PTPRA: variants seen among roughly 807,000 people sequenced by gnomAD.
The protein encoded by PTPRA is protein tyrosine phosphatase receptor type A, also known as receptor-type tyrosine-protein phosphatase alpha.
In PTPRA, 25 loss-of-function variants were observed where a neutral mutation model predicts 104.8. That is an observed-to-expected ratio of 0.24 (90% CI 0.17 to 0.33). The LOEUF is 0.33. PTPRA is among the 10% of genes least tolerant of loss of function. The pLI, the probability that PTPRA is intolerant of heterozygous loss-of-function variation, is 1.00. For synonymous variants in PTPRA, 323 were observed against 368.9 expected (o/e 0.88, Z 1.43); for missense variants, 765 against 1,015.3 (o/e 0.75, Z 3.35).
the PTPRA span, chr20:2,865,568 C>T: frequency 7.2e-7 from 1 of 1,395,178 alleles, no homozygotes; most frequent in Non-Finnish European, 9.9e-7. This position sits in a 1 kb window ranked among gnomAD's most constrained non-coding sequence, Gnocchi z 5.2. Flanking sequence ...GGCAGGGAGA[C>T]AGATAGGATG....
At chr20:2,994,920 A>G (rs922209460) in intron 9 of PTPRA, among the ~76,000 whole-genome samples, 3 of 152,182 alleles carry the variant, frequency 2.0e-5, no homozygotes, top group Non-Finnish European at 4.4e-5. Flanking sequence ...ACTTGAGGTC[A>G]GGAGTTTGAG....
At chr20:3,013,073 G>A (rs1041584639) in intron 11 of PTPRA, among the ~76,000 whole-genome samples, 13 of 152,100 alleles carry the variant, frequency 8.5e-5, no homozygotes, top group African/African-American at 2.4e-5. Flanking sequence ...CACTCTAGCT[G>A]TTGCCCCCTT....
At chr20:3,027,097 C>G in intron 18 of PTPRA, 24 bp from the exon 19 acceptor site, 10 of 1,611,678 alleles carry the variant, frequency 6.2e-6, no homozygotes, top group South Asian at 5.5e-5. Context: ...ATTGGCTAGC[C>G]ATAAGCCGCT....
chr20:2,879,747 A>G (rs1044994803), intron 1 of PTPRA, among the ~76,000 whole-genome samples: 17 of 152,294 alleles, frequency 1.1e-4, no homozygotes, highest in African/African-American at 4.1e-4. Context: ...TAAATACACA[A>G]ATACTCACTG....
chr20:2,977,159 C>T (rs1377534502), intron 6 of PTPRA, among the ~76,000 whole-genome samples: 2 of 151,708 alleles, frequency 1.3e-5, no homozygotes, highest in Admixed American at 1.3e-4. Context: ...GCCTGTAATC[C>T]CAGCTACTCG....
At chr20:3,033,537 A>G (rs528387409) in intron 20 of PTPRA, among the ~76,000 whole-genome samples, 1 of 151,738 alleles carries the variant, frequency 6.6e-6, no homozygotes, top group East Asian at 1.9e-4. Flanking sequence ...ATCCTAACCC[A>G]CTTTTAGTTT....
chr20:2,915,802 A>G (rs1248368615), intron 1 of PTPRA, among the ~76,000 whole-genome samples: 1 of 152,152 alleles, frequency 6.6e-6, no homozygotes, highest in African/African-American at 2.4e-5. Flanking sequence ...AGCCTCAGCA[A>G]GATGGTGCCC....
At chr20:2,943,220 C>G (rs1235773329) in intron 2 of PTPRA, among the ~76,000 whole-genome samples, 1 of 147,614 alleles carries the variant, frequency 6.8e-6, no homozygotes, top group African/African-American at 2.5e-5. Context: ...CCCACCCCCC[C>G]CCCAGATAAG....
At chr20:3,025,365 A>G (rs1437726887) in intron 17 of PTPRA, among the ~76,000 whole-genome samples, 1 of 150,974 alleles carries the variant, frequency 6.6e-6, no homozygotes, top group African/African-American at 2.4e-5. Context: ...AGGCGAGAGA[A>G]TTGCTTGAAC....
chr20:2,909,886 TTATAA>T (rs991766256), intron 1 of PTPRA, among the ~76,000 whole-genome samples: 61 of 132,014 alleles, frequency 4.6e-4, no homozygotes, highest in Middle Eastern at 3.9e-3. Flanking sequence ...AATATATTAA[TTATAA>T]TATATAATAT....
chr20:3,013,283 G>A (rs2064269167), intron 11 of PTPRA, among the ~76,000 whole-genome samples: 2 of 152,166 alleles, frequency 1.3e-5, no homozygotes, highest in African/African-American at 4.8e-5. Flanking sequence ...GAAACACATA[G>A]GTCAGCTAAC....
At chr20:3,027,611 C>G in intron 19 of PTPRA, 96 bp from the exon 20 acceptor site, 1 of 1,480,024 alleles carries the variant, frequency 6.8e-7, no homozygotes, top group African/African-American at 1.4e-5. Flanking sequence ...GAGTTTGCCT[C>G]CGAGCAGTCC....
At chr20:2,994,525 G>A (rs958413203) in intron 9 of PTPRA, among the ~76,000 whole-genome samples, 1 of 152,190 alleles carries the variant, frequency 6.6e-6, no homozygotes, top group African/African-American at 2.4e-5. Flanking sequence ...AGGACAGCCA[G>A]GAAAGCACTT....
chr20:3,003,469 A>G (rs1007435536), intron 9 of PTPRA, among the ~76,000 whole-genome samples: 9 of 152,186 alleles, frequency 5.9e-5, no homozygotes, highest in Admixed American at 5.9e-4. Flanking sequence ...AAGTTTTTTT[A>G]AGGCTCATAA....
chr20:2,923,740 A>G (rs1015899659), intron 2 of PTPRA, among the ~76,000 whole-genome samples: 4 of 152,172 alleles, frequency 2.6e-5, no homozygotes, highest in African/African-American at 4.8e-5. Context: ...CAGAGGTTGC[A>G]GTGAGCTGAG....
chr20:2,948,072 AG>A, intron 3 of PTPRA, 48 bp downstream of exon 3: 2 of 923,268 alleles, frequency 2.2e-6, no homozygotes, highest in Non-Finnish European at 3.0e-6. Flanking sequence ...GAATAGAGGA[AG>A]AAAGGAAACA....
intron 2 of PTPRA, among the ~76,000 whole-genome samples, chr20:2,943,388 G>A (rs1284040440): frequency 6.6e-6 from 1 of 152,098 alleles, no homozygotes; most frequent in African/African-American, 2.4e-5. Flanking sequence ...CAAGTTCAAG[G>A]GTAGTCTGCT....
chr20:2,900,072 T>G (rs1318371872), intron 1 of PTPRA, among the ~76,000 whole-genome samples: 1 of 151,916 alleles, frequency 6.6e-6, no homozygotes, highest in African/African-American at 2.4e-5. Flanking sequence ...ATAGCGCCAC[T>G]GCACTCTAGC....
chr20:2,964,181 G>C (rs1263156332), intron 3 of PTPRA, 91 bp from the exon 4 acceptor site: 3 of 1,068,068 alleles, frequency 2.8e-6, no homozygotes, highest in Admixed American at 2.4e-5. Context: ...CATTTTAATA[G>C]CTTGGAAATC....
Sources: allele counts gnomAD v4.1 joint callset (sites outside exome capture counted in the v4.1 genomes callset), GRCh38; gene constraint gnomAD v4.1.1; non-coding constraint Gnocchi (gnomAD v3.1); transcripts MANE v1.5; gene names NCBI Gene and HGNC (gene_info 2026-07-23, HGNC 2026-07-21).